The following PCNT variants were observed in gnomAD, a reference collection of about 807,000 sequenced individuals.
The protein encoded by PCNT is kendrin.
In PCNT, 319 loss-of-function variants were observed where a neutral mutation model predicts 380.4. The observed-to-expected ratio is 0.84, with a 90% CI of 0.77 to 0.92. The LOEUF (loss-of-function observed/expected upper bound fraction) is 0.92. PCNT is among the 40% of genes least tolerant of loss of function. The pLI, the probability that PCNT is intolerant of heterozygous loss-of-function variation, is 0.00. For missense variants in PCNT, 4,400 were observed against 4,255.3 expected (o/e 1.03, Z -0.95); for synonymous variants, 1,845 against 1,735.2 (o/e 1.06, Z -1.57).
At position 46,355,496 on chromosome 21, in the gene PCNT, G is replaced by A; in HGVS notation, c.1806G>A (p.Arg602=). The A allele has an allele frequency of 1.9e-6, 3 of 1,614,062 alleles. No individual in the cohort carries two copies. The highest frequency in any genetic ancestry group is 2.5e-6 in the Non-Finnish European group (3 of 1,180,034). The change falls in exon 12 of 47, where the codon AGG becomes AGA. Residue 602 remains arginine (R), a synonymous_variant. Transcript: ENST00000359568. ...AGGCGGAGTTAGAAGAAAGCCACAG[G>A]CACCAGCTGGAAGCGCTGGAGTCTC... ...RFQAELEESH[R]HQLEALESPL...
At chr21:46,399,838 T>A (rs759199686) in intron 25 of PCNT, 42 bp downstream of exon 25, 1 of 1,531,762 alleles carries the variant, frequency 6.5e-7, no homozygotes, top group East Asian at 2.2e-5. Flanking sequence ...TGGTGAGGTG[T>A]CCCGCAGGCA....
chr21:46,425,752 G>C lies in PCNT; in HGVS notation c.7180-79G>C. On this transcript the variant is annotated intron_variant, in intron 32 of 46. Coordinates refer to ENST00000359568, the MANE Select transcript of PCNT (RefSeq NM_006031.6). This position sits in a 1 kb window ranked among gnomAD's most constrained non-coding sequence, Gnocchi z 4.2. ...CGCCCTTCACAGAGTCCTGGCGGCA[G>C]CTCGGGGCCGCAGGTGGTGTAGAGC... The C allele has an allele frequency of 6.2e-7, 1 of 1,600,808 alleles. No individual in the cohort carries two copies. Among genetic ancestry groups the C allele is most frequent in the Non-Finnish European group, 8.5e-7 (1 of 1,173,906 alleles).
chr21:46,417,469 G>A (rs552593758), intron 30 of PCNT, among the ~76,000 whole-genome samples: 1 of 152,202 alleles, frequency 6.6e-6, no homozygotes, highest in East Asian at 1.9e-4. Context: ...TGGGCTTACA[G>A]GCGTGAGCCA....
At chr21:46,357,620 G>T (rs1011241654) in intron 13 of PCNT, among the ~76,000 whole-genome samples, 3 of 152,134 alleles carry the variant, frequency 2.0e-5, no homozygotes, top group Non-Finnish European at 4.4e-5. Context: ...GTAGAGACAG[G>T]GTTTCACCTT....
rs780030150 is a variant in PCNT at position 46,386,012 on chromosome 21, C to G, written c.3464+29C>G. On this transcript the variant is annotated intron_variant, in intron 17 of 46. Coordinates refer to ENST00000359568, the MANE Select transcript of PCNT (RefSeq NM_006031.6). ...AGTGTGTCCTCGGCACCGAGGCTGC[C>G]TTGTGGCCGCCAGCACCCGCTGGGT... 4.0e-5 allele frequency: 64 copies of G among 1,612,652 alleles called. 1 individual carries two copies. In the Admixed American group the frequency reaches 7.8e-4, roughly 20 times the overall value.
intron 3 of PCNT, among the ~76,000 whole-genome samples, chr21:46,338,459 C>T (rs2083820141): frequency 6.6e-6 from 1 of 152,180 alleles, no homozygotes; most frequent in South Asian, 2.1e-4. Context: ...AAGATTCATC[C>T]AAGCTTTAGA....
In PCNT at chr21:46,346,864, G is replaced by C; in HGVS notation, c.842G>C (p.Arg281Pro). The C allele has an allele frequency of 6.2e-7, 1 of 1,608,504 alleles. No individual in the cohort carries two copies. Among genetic ancestry groups the C allele is most frequent in the Non-Finnish European group, 8.5e-7 (1 of 1,178,080 alleles). ...KEKETALTEL[R>P]EMLNSRRAQE... ...AAGGAGACGGCATTGACGGAGCTGC[G>C]GGAGATGCTCAACAGCCGGCGTGCC... The change falls in exon 5 of 47, where the codon CGG (arginine) becomes CCG (proline). Residue 281 changes from arginine (R) to proline (P), a missense_variant. Coordinates refer to ENST00000359568, the MANE Select transcript of PCNT (RefSeq NM_006031.6).
chr21:46,438,140 C>T, intron 40 of PCNT, 24 bp from the exon 41 acceptor site: 1 of 1,598,856 alleles, frequency 6.3e-7, no homozygotes. Flanking sequence ...CAAATTCTTA[C>T]AAATTTATTT....
chr21:46,365,830 G>T (rs963383894), intron 14 of PCNT, among the ~76,000 whole-genome samples: 2 of 138,820 alleles, frequency 1.4e-5, no homozygotes, highest in African/African-American at 5.6e-5. Context: ...ACTGCCGTGG[G>T]GTTCCGTTCA....
At chr21:46,324,533 G>A (rs1466565906) in intron 1 of PCNT, among the ~76,000 whole-genome samples, 2 of 112,226 alleles carry the variant, frequency 1.8e-5, no homozygotes, top group Non-Finnish European at 3.8e-5. Context: ...GGCGCCTCTC[G>A]GGCGGGCCGG....
intron 13 of PCNT, among the ~76,000 whole-genome samples, chr21:46,361,404 A>G (rs2084711947): frequency 6.6e-6 from 1 of 152,202 alleles, no homozygotes; most frequent in Admixed American, 6.5e-5. Context: ...GAAAAGAGAA[A>G]AAAAAGAATA....
chr21:46,425,389 A>AGGCCTCCTGGGT lies in PCNT; in HGVS notation c.7180-437_7180-426dup, dbSNP rs1478208647. Among the ~76,000 whole-genome samples the AGGCCTCCTGGGT allele has an allele frequency of 6.6e-6, 1 of 152,196 alleles. No homozygotes were observed. The highest frequency in any genetic ancestry group is 1.5e-5 in the Non-Finnish European group (1 of 68,034). The stretch of plus-strand genomic sequence containing the variant: ...CTGGCCTCAGCCGGACCACGCACAG[A>AGGCCTCCTGGGT]GGCCTCCTGGGTGGCCATCGTGTGG... On this transcript the variant is annotated intron_variant, in intron 32 of 46. Transcript: ENST00000359568. This position sits in a 1 kb window ranked among gnomAD's most constrained non-coding sequence, Gnocchi z 4.2.
intron 36 of PCNT, 58 bp from the exon 37 acceptor site, chr21:46,430,448 GC>G (rs1404569624): frequency 1.3e-6 from 2 of 1,544,912 alleles, no homozygotes; most frequent in East Asian, 4.9e-5. Flanking sequence ...GGAGCTCCCA[GC>G]CCCCGGGAAC....
chr21:46,373,750 G>GGGCGGA (rs71678275), intron 15 of PCNT, among the ~76,000 whole-genome samples: 247 of 11,612 alleles, frequency 0.021, 1 homozygote, highest in African/African-American at 0.064. Flanking sequence ...TTTTTTTTTT[G>GGGCGGA]GGCGGAGTCT....
chr21:46,334,869 C>G (rs947173148), intron 3 of PCNT, 101 bp downstream of exon 3: 1 of 1,564,544 alleles, frequency 6.4e-7, no homozygotes, highest in African/African-American at 1.4e-5. Flanking sequence ...TCTGCAGGGC[C>G]TCTCTTTAGA....
Position 46,416,643 on chromosome 21 carries a change from T to A in PCNT, c.6725T>A (p.Leu2242His). 2.6e-6 allele frequency: 4 copies of A among 1,565,836 alleles called. No homozygotes were observed. Among genetic ancestry groups the A allele is most frequent in the Non-Finnish European group, 3.5e-6 (4 of 1,157,416 alleles). Reference protein sequence around the residue: ...KDWTLEPWPSLPVTPHSGALS... With the variant: ...KDWTLEPWPSHPVTPHSGALS... ...TGGACCCTGGAGCCCTGGCCCAGCC[T>A]CCCCGTGACACCCCACTCAGGAGCC... is the stretch of plus-strand genomic sequence containing the variant. Residue 2242 changes from leucine to histidine, a missense_variant, in exon 30 of 47, where the codon CTC becomes CAC. Transcript: ENST00000359568.
rs551852071 is a variant in PCNT, at chr21:46,405,468, C to T, written c.5115+2985C>T. Among the ~76,000 whole-genome samples, 3 of 152,246 alleles carry T rather than the reference C, an allele frequency of 2.0e-5. No homozygotes were observed. In the South Asian group the frequency reaches 6.2e-4, roughly 32 times the overall value. ...ATCCCAGCACTTTGGGAGGCCCAGG[C>T]GGGCAGATCACTTGAGCTCAGGAGT... On this transcript the variant is annotated intron_variant, in intron 27 of 46. Coordinates refer to ENST00000359568, the MANE Select transcript of PCNT (RefSeq NM_006031.6).
intron 1 of PCNT, chr21:46,325,206 G>A (rs902715298): frequency 8.1e-6 from 8 of 985,228 alleles, no homozygotes; most frequent in South Asian, 4.7e-5. Flanking sequence ...GCCGGCCTCT[G>A]CGAGGTGCGC....
chr21:46,344,489 G>C (rs1199855931), intron 3 of PCNT, among the ~76,000 whole-genome samples: 4 of 152,224 alleles, frequency 2.6e-5, no homozygotes, highest in Non-Finnish European at 4.4e-5. Flanking sequence ...TCCCTGTCCA[G>C]TTCCTCCGGG....
Sources: gnomAD v4.1 joint callset for allele counts (sites outside exome capture counted in the v4.1 genomes callset) on GRCh38, gnomAD v4.1.1 for gene constraint, Gnocchi (gnomAD v3.1) non-coding constraint, MANE v1.5 for transcripts, NCBI Gene and HGNC (gene_info 2026-07-23, HGNC 2026-07-21) for gene names.